Variants in ZNF793 observed in about 807,000 individuals in gnomAD.
The protein encoded by ZNF793 is zinc finger protein 793.
In ZNF793, 5 loss-of-function variants were observed where a neutral mutation model predicts 12.4. The observed-to-expected ratio is 0.40, with a 90% CI of 0.21 to 0.84. The LOEUF (loss-of-function observed/expected upper bound fraction) is 0.84. ZNF793 is among the 40% of genes least tolerant of loss of function. ZNF793 has a pLI of 0.35. For synonymous variants in ZNF793, 162 were observed against 172.4 expected, an observed-to-expected ratio of 0.94 and a Z score of 0.47; for missense variants, 456 against 495.0, an observed-to-expected ratio of 0.92 and a Z score of 0.75.
At chr19:37,516,650 T>C (rs2042334821) in intron 2 of ZNF793, among the ~76,000 whole-genome samples, 1 of 152,052 alleles carries the variant, frequency 6.6e-6, no homozygotes, top group South Asian at 2.1e-4. Flanking sequence ...TTGACTCTTT[T>C]TTTTTTCTTT....
chr19:37,522,227 C>T (rs907288764), intron 3 of ZNF793, among the ~76,000 whole-genome samples: 12 of 152,080 alleles, frequency 7.9e-5, no homozygotes, highest in Admixed American at 2.0e-4. Flanking sequence ...GACCAAGTCT[C>T]GCTCTTGTCA....
In ZNF793 at chr19:37,519,158, C is replaced by T. The variant is rs554559038; in HGVS notation, c.-275-1026C>T. ...GCAGGTGCCTGTAGTCCCAGCTACT[C>T]GGGAGGCTGAGGCAGGAGAATGGCG... On this transcript the variant is annotated intron_variant, in intron 2 of 7. Transcript: ENST00000627814. 5.3e-5 allele frequency among the ~76,000 whole-genome samples: 8 copies of T among 152,044 alleles called. No individual in the cohort carries two copies. The South Asian group carries it at 1.5e-3, about 28-fold the overall frequency.
intron 2 of ZNF793, among the ~76,000 whole-genome samples, 177 bp downstream of exon 2, chr19:37,508,580 C>T (rs1314554454): frequency 4.6e-5 from 7 of 152,162 alleles, no homozygotes; most frequent in African/African-American, 1.7e-4. Context: ...GTGGCGGGCG[C>T]CTGAGGTCCC....
rs578215000 is a variant in ZNF793 at position 37,516,438 on chromosome 19, A to G, written c.-275-3746A>G. ...TGTGAGCCACTGTGCCCGGCCTATG[A>G]TCTAGTTTTAAGATTGTGACTGAGA... On this transcript the variant is annotated intron_variant, in intron 2 of 7. Transcript: ENST00000627814. 1.2e-4 allele frequency among the ~76,000 whole-genome samples: 18 copies of G among 151,980 alleles called. No individual in the cohort carries two copies. In the East Asian group the frequency reaches 3.3e-3, roughly 28 times the overall value.
At chr19:37,516,244 T>A (rs1473001634) in intron 2 of ZNF793, among the ~76,000 whole-genome samples, 3 of 152,100 alleles carry the variant, frequency 2.0e-5, no homozygotes. Context: ...AGGCGATTCT[T>A]CTGCCTCAGC....
Position 37,519,641 on chromosome 19 carries a change from TAAC to T in ZNF793, c.-275-542_-275-540del, listed in dbSNP as rs1484464494. 7.9e-5 allele frequency among the ~76,000 whole-genome samples: 12 copies of T among 152,244 alleles called. No individual in the cohort carries two copies. In the East Asian group the frequency reaches 2.1e-3, roughly 27 times the overall value. ...ACACTTGTAAATGAATTTTTGAAAA[TAAC>T]TCAGGAAAATCAAAAGTTAAGAGCA... On this transcript the variant is annotated intron_variant, in intron 2 of 7. Transcript: ENST00000627814.
intron 2 of ZNF793, among the ~76,000 whole-genome samples, chr19:37,517,112 C>T (rs1232905663): frequency 2.0e-5 from 3 of 152,074 alleles, no homozygotes; most frequent in Admixed American, 6.5e-5. Context: ...TTTTATCTGC[C>T]ACACTTGGCT....
chr19:37,531,625 A>C (rs555114887), intron 5 of ZNF793, among the ~76,000 whole-genome samples: 1 of 152,344 alleles, frequency 6.6e-6, no homozygotes, highest in African/African-American at 2.4e-5. Context: ...GAGGAGAGTC[A>C]GCTTTCCATA....
Position 37,538,059 on chromosome 19 carries a change from C to T in ZNF793, c.*180C>T, listed in dbSNP as rs1305374302. 6.2e-6 allele frequency: 4 copies of T among 648,380 alleles called. No homozygotes were observed. Among genetic ancestry groups the T allele is most frequent in the East Asian group, 3.1e-5 (1 of 32,114 alleles). 40.2% of individuals were successfully genotyped at this position (648,380 alleles called of 1,614,324 possible). A position where few individuals can be genotyped will look rare whatever the true frequency, so the allele number is the denominator to read the frequency against. ...CCCGAGTAGCTGGGACTACAGGTGC[C>T]CACCACCATGCCCGGCTAATTTTTT... On this transcript the variant is annotated 3_prime_UTR_variant, in exon 8 of 8. Transcript: ENST00000627814.
chr19:37,537,078 C>G lies in ZNF793; in HGVS notation c.420C>G (p.Asn140Lys). The G allele has an allele frequency of 6.2e-7, 1 of 1,613,700 alleles. No homozygotes were observed. The highest frequency in any genetic ancestry group is 8.5e-7 in the Non-Finnish European group (1 of 1,179,762). ...CAATCCAGAGCCCTAGTAACTGGAA[C>G]CCTTGTGGAAAGAATTTGAACCATA... ...FSSIQSPSNW[N>K]PCGKNLNHNL... is the part of the protein sequence containing the mutation. The change falls in exon 8 of 8, where the codon AAC becomes AAG. Residue 140 changes from asparagine to lysine, a missense_variant. By Grantham distance (94) the Asn-to-Lys change is moderately conservative. Transcript: ENST00000627814.
intron 4 of ZNF793, among the ~76,000 whole-genome samples, chr19:37,522,897 T>C (rs1415036844): frequency 1.3e-5 from 2 of 152,232 alleles, no homozygotes; most frequent in Non-Finnish European, 2.9e-5. Context: ...TCATTAAATG[T>C]CTTGGGGTGT....
At chr19:37,515,029 C>T (rs1375514013) in intron 2 of ZNF793, among the ~76,000 whole-genome samples, 2 of 152,190 alleles carry the variant, frequency 1.3e-5, no homozygotes, top group Non-Finnish European at 2.9e-5. Context: ...CAGTAGCAGA[C>T]GTAATGGCAG....
rs1473071338 is a variant in ZNF793, at chr19:37,537,166, G to A, written c.508G>A (p.Gly170Arg). 3 of 1,613,592 alleles carry A rather than the reference G, an allele frequency of 1.9e-6. No homozygotes were observed. The change falls in exon 8 of 8, where the codon GGG becomes AGG. Residue 170 changes from glycine (G) to arginine (R), a missense_variant. Coordinates refer to ENST00000627814, the MANE Select transcript of ZNF793 (RefSeq NM_001013659.3). ...AKKQDECYAY[G>R]KLLQRINHGR... Reference sequence around the variant, plus strand: ...AAAGCAAGATGAGTGTTATGCTTATGGGAAATTGCTTCAGCGTATAAATCA... The same window carrying A: ...AAAGCAAGATGAGTGTTATGCTTATAGGAAATTGCTTCAGCGTATAAATCA...
At chr19:37,518,764 A>G (rs541492674) in intron 2 of ZNF793, among the ~76,000 whole-genome samples, 1 of 150,560 alleles carries the variant, frequency 6.6e-6, no homozygotes, top group African/African-American at 2.4e-5. Context: ...ATGCCACTGT[A>G]CTCCAGCCTA....
At chr19:37,507,947 T>C (rs756518626) in intron 1 of ZNF793, among the ~76,000 whole-genome samples, 6 of 152,304 alleles carry the variant, frequency 3.9e-5, no homozygotes, top group Admixed American at 2.6e-4. Flanking sequence ...AGGAGACTTA[T>C]AGGGGTTGGT....
chr19:37,508,565 G>A (rs1164016259), intron 2 of ZNF793, among the ~76,000 whole-genome samples, 162 bp downstream of exon 2: 1 of 152,098 alleles, frequency 6.6e-6, no homozygotes, highest in Non-Finnish European at 1.5e-5. Flanking sequence ...AATTAGCCGG[G>A]CGTGGTGGCG....
intron 3 of ZNF793, among the ~76,000 whole-genome samples, chr19:37,521,101 C>T (rs1439626025): frequency 6.0e-5 from 9 of 151,202 alleles, no homozygotes; most frequent in Admixed American, 5.9e-4. Context: ...CATTCTCCTG[C>T]CTCAGCCTCC....
In ZNF793 at chr19:37,540,265, CAAAAAAAAAAAAA is replaced by C. The variant is rs10686444; in HGVS notation, c.*2393_*2405del. ...CTGGGTGACAAGAGCGAAACTCCGT[CAAAAAAAAAAAAA>C]AAAAAAGAAAACTTCAGACCAGTCT... On this transcript the variant is annotated 3_prime_UTR_variant, in exon 8 of 8. Transcript: ENST00000627814. 1.0e-5 allele frequency: 1 copy of C among 97,436 alleles called. No homozygotes were observed. The highest frequency in any genetic ancestry group is 4.0e-5 in the African/African-American group (1 of 24,762). 6.0% of individuals were successfully genotyped at this position (97,436 alleles called of 1,614,324 possible).
At chr19:37,517,380 C>T (rs1568787430) in intron 2 of ZNF793, among the ~76,000 whole-genome samples, 1 of 150,242 alleles carries the variant, frequency 6.7e-6, no homozygotes, top group Non-Finnish European at 1.5e-5. Context: ...CCCTTGAATC[C>T]AGGAGGTAGA....
Sources: gnomAD v4.1 joint callset for allele counts (sites outside exome capture counted in the v4.1 genomes callset) on GRCh38, gnomAD v4.1.1 for gene constraint, MANE v1.5 for transcripts, NCBI Gene and HGNC (gene_info 2026-07-23, HGNC 2026-07-21) for gene names.